Variants in BZW2 observed in about 807,000 individuals in gnomAD.
BZW2 encodes eIF5-mimic protein 1.
BZW2 carries 23 observed loss-of-function variants against 53.2 expected under a neutral mutation model. That is an observed-to-expected ratio of 0.43 (90% CI 0.31 to 0.61). BZW2 has a LOEUF of 0.61. Ranked by LOEUF, BZW2 falls within the 20% of genes least tolerant of loss-of-function variation. The pLI is 0.09. For synonymous variants in BZW2, 227 were observed against 186.4 expected (o/e 1.22, Z -1.77); for missense variants, 409 against 503.1 (o/e 0.81, Z 1.79).
intron 10 of BZW2, among the ~76,000 whole-genome samples, chr7:16,702,075 C>T (rs2128371282): frequency 6.6e-6 from 1 of 152,274 alleles, no homozygotes; most frequent in East Asian, 1.9e-4. Context: ...TCCTTTCTTA[C>T]TGTCTTTTAC....
intron 1 of BZW2, among the ~76,000 whole-genome samples, chr7:16,651,545 G>C (rs1354457636): frequency 6.6e-6 from 1 of 152,244 alleles, no homozygotes; most frequent in Non-Finnish European, 1.5e-5. Context: ...ACAGGAAAGA[G>C]AACCCCTAGT....
chr7:16,646,894 GCTT>G (rs1781880229), intron 1 of BZW2, among the ~76,000 whole-genome samples: 1 of 152,140 alleles, frequency 6.6e-6, no homozygotes, highest in Non-Finnish European at 1.5e-5. Context: ...GGAAGGAAGG[GCTT>G]CTTTGCTCTG....
chr7:16,656,597 A>ACACACACACAC (rs1782132212), intron 1 of BZW2, among the ~76,000 whole-genome samples: 4 of 140,052 alleles, frequency 2.9e-5, no homozygotes, highest in African/African-American at 1.0e-4. Context: ...ACACACACAC[A>ACACACACACAC]AGTAGGTTTA....
intron 3 of BZW2, among the ~76,000 whole-genome samples, chr7:16,680,731 C>T (rs1782918643): frequency 6.6e-6 from 1 of 151,914 alleles, no homozygotes; most frequent in Non-Finnish European, 1.5e-5. Context: ...CACTTGAGCA[C>T]CCTGGAGGTT....
At chr7:16,650,590 T>A (rs1781960713) in intron 1 of BZW2, among the ~76,000 whole-genome samples, 1 of 152,224 alleles carries the variant, frequency 6.6e-6, no homozygotes, top group Admixed American at 6.5e-5. Context: ...GATTTTTTGA[T>A]CTTTACAATT....
intron 1 of BZW2, among the ~76,000 whole-genome samples, chr7:16,664,399 T>A (rs966088002): frequency 3.9e-5 from 6 of 152,160 alleles, no homozygotes; most frequent in Non-Finnish European, 8.8e-5. Flanking sequence ...AGACCTCCAT[T>A]TTCAGGGAGG....
chr7:16,659,752 C>G (rs1248143654), intron 1 of BZW2, among the ~76,000 whole-genome samples: 1 of 151,952 alleles, frequency 6.6e-6, no homozygotes, highest in East Asian at 1.9e-4. Flanking sequence ...TGAAGTGTCT[C>G]AATTTTATTG....
In BZW2 at chr7:16,684,484, T is replaced by C. The variant is rs144645512; in HGVS notation, c.406-1421T>C. Reference sequence around the variant, plus strand: ...GGTTATTATTTTTATGATGATCTAATTTTTGTACCATTTCTATGTGATTAA... The same window carrying C: ...GGTTATTATTTTTATGATGATCTAACTTTTGTACCATTTCTATGTGATTAA... On this transcript the variant is annotated intron_variant, in intron 5 of 11. Coordinates refer to ENST00000258761, the MANE Select transcript of BZW2 (RefSeq NM_014038.3). Among the ~76,000 whole-genome samples the C allele has an allele frequency of 4.8e-3, 730 of 152,364 alleles. 2 individuals are homozygous for C. The highest frequency in any genetic ancestry group is 8.6e-3 in the Non-Finnish European group (583 of 68,026).
intron 1 of BZW2, among the ~76,000 whole-genome samples, chr7:16,654,704 G>GT (rs34037406): frequency 0.025 from 3,599 of 141,290 alleles, 118 homozygotes; most frequent in African/African-American, 0.085. Flanking sequence ...CTGGCTAATT[G>GT]TTTTTTTTTT....
intron 6 of BZW2, among the ~76,000 whole-genome samples, chr7:16,687,715 T>A (rs1248765084): frequency 6.6e-6 from 1 of 151,756 alleles, no homozygotes; most frequent in Non-Finnish European, 1.5e-5. Flanking sequence ...AGAAAGACTA[T>A]CTAAAATAAA....
rs761316459 is a variant in BZW2 at position 16,665,516 on chromosome 7, T to C, written c.58+15T>C. The C allele has an allele frequency of 1.1e-5, 17 of 1,612,550 alleles. No individual in the cohort carries two copies. The highest frequency in any genetic ancestry group is 1.4e-5 in the Non-Finnish European group (17 of 1,178,876). On this transcript the variant is annotated intron_variant, in intron 2 of 11. Transcript: ENST00000258761. ...TCGGAAAAGGGGTAGGTTGTGTGTGTGTGTGTGTGTGTGTTTAAAGTTGTA... is the reference window on the plus strand; with the variant it reads ...TCGGAAAAGGGGTAGGTTGTGTGTGCGTGTGTGTGTGTGTTTAAAGTTGTA...
At chr7:16,697,494 C>T (rs1160678059) in intron 9 of BZW2, among the ~76,000 whole-genome samples, 3 of 152,278 alleles carry the variant, frequency 2.0e-5, no homozygotes, top group Middle Eastern at 3.4e-3. Flanking sequence ...TTGCACCCAG[C>T]GTTCATGAGA....
At chr7:16,694,745 A>G in intron 7 of BZW2, 89 bp from the exon 8 acceptor site, 2 of 1,066,638 alleles carry the variant, frequency 1.9e-6, no homozygotes, top group East Asian at 2.5e-5. Flanking sequence ...CAAATGTGAG[A>G]TATTCTAAGT....
intron 1 of BZW2, among the ~76,000 whole-genome samples, chr7:16,652,546 C>T (rs935273377): frequency 3.3e-5 from 5 of 152,230 alleles, no homozygotes; most frequent in Admixed American, 6.5e-5. Flanking sequence ...GACGGAGTTT[C>T]GCTGTTGTTG....
chr7:16,689,986 G>C, intron 7 of BZW2, 80 bp downstream of exon 7: 6 of 1,001,982 alleles, frequency 6.0e-6, no homozygotes, highest in South Asian at 3.7e-5. Flanking sequence ...TAGTATATGA[G>C]TAAGATCCCT....
chr7:16,654,083 C>CAA (rs61590306), intron 1 of BZW2, among the ~76,000 whole-genome samples: 2 of 82,532 alleles, frequency 2.4e-5, no homozygotes, highest in Non-Finnish European at 4.5e-5. Flanking sequence ...CCCATCTCTA[C>CAA]AAAAAAAAAA....
chr7:16,701,497 AT>A (rs1476949013), intron 10 of BZW2, among the ~76,000 whole-genome samples: 1 of 152,114 alleles, frequency 6.6e-6, no homozygotes, highest in Admixed American at 6.6e-5. Context: ...CTTAGGGTAA[AT>A]TATTTTTGAC....
chr7:16,682,994 A>G (rs934729721), intron 5 of BZW2, 149 bp downstream of exon 5: 19 of 378,040 alleles, frequency 5.0e-5, no homozygotes, highest in Non-Finnish European at 6.1e-5. Flanking sequence ...TCAGGAGTTT[A>G]AGACCAGCCT....
chr7:16,670,832 A>C (rs1193709263), intron 2 of BZW2, among the ~76,000 whole-genome samples: 2 of 152,236 alleles, frequency 1.3e-5, no homozygotes, highest in Admixed American at 1.3e-4. Context: ...TGCTTACAGC[A>C]TCAAAAGGAC....
Sources: allele counts gnomAD v4.1 joint callset (sites outside exome capture counted in the v4.1 genomes callset), GRCh38; gene constraint gnomAD v4.1.1; transcripts MANE v1.5; gene names NCBI Gene and HGNC (gene_info 2026-07-23, HGNC 2026-07-21).